ACAA1: variants seen among roughly 807,000 people sequenced by gnomAD.
The protein encoded by ACAA1 is acetyl-CoA acyltransferase 1.
In ACAA1, 44 loss-of-function variants were observed where a neutral mutation model predicts 48.8. That is an observed-to-expected ratio of 0.90 (90% CI 0.71 to 1.16). The LOEUF is 1.16. Among genes scored for constraint, ACAA1 ranks in the 50% most tolerant of loss-of-function variants. ACAA1 has a pLI of 0.00. For synonymous variants in ACAA1, 233 were observed against 226.5 expected (o/e 1.03, Z -0.26); for missense variants, 512 against 562.3 (o/e 0.91, Z 0.90).
At chr3:38,125,928 C>T in intron 9 of ACAA1, 47 bp from the exon 10 acceptor site, 4 of 1,610,650 alleles carry the variant, frequency 2.5e-6, no homozygotes, top group Non-Finnish European at 3.4e-6. Context: ...CCCTCTGCCT[C>T]CCCTGGGGCC....
In ACAA1 at chr3:38,125,834, C is replaced by A. The variant is rs752944703; in HGVS notation, c.1045G>T (p.Ala349Ser). The A allele has an allele frequency of 4.3e-6, 7 of 1,614,086 alleles. No individual in the cohort carries two copies. In the African/African-American group the frequency reaches 8.0e-5, roughly 18 times the overall value. The change falls in exon 10 of 12, where the codon GCA becomes TCA. Residue 349 changes from alanine (A) to serine (S), a missense_variant. Coordinates refer to ENST00000333167, the MANE Select transcript of ACAA1 (RefSeq NM_001607.4). ...VDIFEINEAFASQAAYCVEKL... is the reference protein window; with the variant it reads ...VDIFEINEAFSSQAAYCVEKL... Reference sequence around the variant, plus strand: ...GAGAAACAAGGGCTCACCTGGCTTGCAAAGGCCTCATTGATCTCGAAGATG... The same window carrying A: ...GAGAAACAAGGGCTCACCTGGCTTGAAAAGGCCTCATTGATCTCGAAGATG...
At position 38,125,807 on chromosome 3, in the gene ACAA1, T is replaced by C. The variant is rs1434233468; in HGVS notation, c.1053+19A>G. 4.3e-6 allele frequency: 7 copies of C among 1,614,140 alleles called. No individual in the cohort carries two copies. Among genetic ancestry groups the C allele is most frequent in the Admixed American group, 1.7e-5 (1 of 60,028 alleles). ...TCGGCTGTCCAGGGCAAAGGCAACATTGAGAAACAAGGGCTCACCTGGCTT... is the reference window on the plus strand; with the variant it reads ...TCGGCTGTCCAGGGCAAAGGCAACACTGAGAAACAAGGGCTCACCTGGCTT... On this transcript the variant is annotated intron_variant, in intron 10 of 11. Transcript: ENST00000333167.
chr3:38,127,896 A>G, intron 6 of ACAA1, 30 bp from the exon 7 acceptor site: 6 of 1,611,346 alleles, frequency 3.7e-6, no homozygotes, highest in Non-Finnish European at 5.1e-6. Flanking sequence ...TAGTGTGGGC[A>G]TTGGTCTGAC....
chr3:38,133,118 T>C (rs1700820081), intron 3 of ACAA1, among the ~76,000 whole-genome samples: 1 of 152,116 alleles, frequency 6.6e-6, no homozygotes, highest in Non-Finnish European at 1.5e-5. Context: ...CCTGGATAAC[T>C]CATGCCAAAA....
chr3:38,129,229 T>C lies in ACAA1; in HGVS notation c.545+61A>G, dbSNP rs1575261830. The C allele has an allele frequency of 6.7e-7, 1 of 1,492,560 alleles. No homozygotes were observed. The highest frequency in any genetic ancestry group is 2.3e-5 in the East Asian group (1 of 43,842). 92.5% of individuals were successfully genotyped at this position (1,492,560 alleles called of 1,614,324 possible). On this transcript the variant is annotated intron_variant, in intron 6 of 11. Coordinates refer to ENST00000333167, the MANE Select transcript of ACAA1 (RefSeq NM_001607.4). The surrounding 1 kb of genome is among the most constrained non-coding windows in gnomAD (Gnocchi z 5.3). The stretch of plus-strand genomic sequence containing the variant: ...CACCAGCCACAGAGATGATAAAAGT[T>C]CCTTGGCTCCCTGCCCCAGGCAGAG...
chr3:38,124,184 ACAAACTGTATTCATAAATAGGTTAAAAG>A (rs1209935281), intron 11 of ACAA1: 1 of 152,242 alleles, frequency 6.6e-6, no homozygotes, highest in Non-Finnish European at 1.5e-5. Context: ...TTATAAACAG[ACAAACTGTATTCATAAATAGGTTAAAAG>A]CAAACTGTAT....
chr3:38,125,370 AT>A lies in ACAA1; in HGVS notation c.1199+194del, dbSNP rs375497157. 424 of 506,554 alleles carry A rather than the reference AT, an allele frequency of 8.4e-4. 2 individuals carry two copies. The highest frequency in any genetic ancestry group is 7.5e-3 in the African/African-American group (379 of 50,718). 31.4% of individuals were successfully genotyped at this position (506,554 alleles called of 1,614,324 possible). On this transcript the variant is annotated intron_variant, in intron 11 of 11. Coordinates refer to ENST00000333167, the MANE Select transcript of ACAA1 (RefSeq NM_001607.4). ...TTTGATCTGTAACTGAACAATCAAG[AT>A]AACTCACTACCTCTGGACCAGCCAA...
intron 5 of ACAA1, among the ~76,000 whole-genome samples, chr3:38,130,702 G>A (rs1468967772): frequency 6.6e-6 from 1 of 152,254 alleles, no homozygotes; most frequent in Non-Finnish European, 1.5e-5. Context: ...AGATAGAAGA[G>A]CATGAGAGAA....
intron 3 of ACAA1, chr3:38,133,374 G>A (rs917796804): frequency 1.3e-5 from 2 of 152,376 alleles, no homozygotes; most frequent in African/African-American, 4.8e-5. Context: ...GTTCCTAGAG[G>A]GTTGTTTTCC....
chr3:38,132,948 C>T (rs910350805), intron 3 of ACAA1, among the ~76,000 whole-genome samples: 7 of 152,150 alleles, frequency 4.6e-5, no homozygotes, highest in Admixed American at 6.5e-5. Flanking sequence ...AGGGATGCTG[C>T]GATGCTTATA....
At chr3:38,128,344 T>C (rs1365761106) in intron 6 of ACAA1, among the ~76,000 whole-genome samples, 4 of 152,204 alleles carry the variant, frequency 2.6e-5, no homozygotes, top group Non-Finnish European at 5.9e-5. Flanking sequence ...CTAAGCTTCC[T>C]GGTCACCTTG....
At chr3:38,135,705 C>T (rs1297261881) in intron 2 of ACAA1, among the ~76,000 whole-genome samples, 2 of 152,118 alleles carry the variant, frequency 1.3e-5, no homozygotes, top group Admixed American at 6.5e-5. Context: ...TTGGGTTTTA[C>T]ACCCAAGACA....
chr3:38,125,553 G>A lies in ACAA1; in HGVS notation c.1199+12C>T, dbSNP rs759230045. 7.9e-6 allele frequency: 12 copies of A among 1,527,884 alleles called. No homozygotes were observed. The highest frequency in any genetic ancestry group is 8.8e-6 in the Non-Finnish European group (10 of 1,138,814). The allele number at this position is 1,527,884 out of a possible 1,614,324, so 94.6% of individuals were successfully genotyped here. A position where few individuals can be genotyped will look rare whatever the true frequency, so the allele number is the denominator to read the frequency against. The stretch of plus-strand genomic sequence containing the variant: ...TCCCCCTATGACCCCACCGCCAGGA[G>A]CAAAGCCTTACCTCTTCCCACGGCG... On this transcript the variant is annotated intron_variant, in intron 11 of 11. Transcript: ENST00000333167.
At chr3:38,132,689 C>T (rs1450362934) in intron 3 of ACAA1, 1 of 152,248 alleles carries the variant, frequency 6.6e-6, no homozygotes, top group African/African-American at 2.4e-5. Flanking sequence ...TTCCAGACCT[C>T]CTCAGACCCA....
Position 38,126,774 on chromosome 3 carries a change from T to C in ACAA1, c.627-74A>G. The C allele has an allele frequency of 6.4e-7, 1 of 1,571,116 alleles. No homozygotes were observed. The highest frequency in any genetic ancestry group is 8.7e-7 in the Non-Finnish European group (1 of 1,150,540). ...CCTCCCTGCCCCCAACCCCTATCCA[T>C]TTGGGTAGACACAAGCTCAGGCTGC... On this transcript the variant is annotated intron_variant, in intron 7 of 11. Coordinates refer to ENST00000333167, the MANE Select transcript of ACAA1 (RefSeq NM_001607.4). The surrounding 1 kb of genome is among the most constrained non-coding windows in gnomAD (Gnocchi z 4.7).
Position 38,129,750 on chromosome 3 carries a change from C to T in ACAA1, c.447-362G>A, listed in dbSNP as rs191099583. ...ACAAGCCAGGGCCTGCCCTCAGGGC[C>T]CACAAATTCAGAAGGGAGAAGAGAC... On this transcript the variant is annotated intron_variant, in intron 5 of 11. Coordinates refer to ENST00000333167, the MANE Select transcript of ACAA1 (RefSeq NM_001607.4). This position sits in a 1 kb window ranked among gnomAD's most constrained non-coding sequence, Gnocchi z 5.3. 1.4e-4 allele frequency among the ~76,000 whole-genome samples: 21 copies of T among 152,294 alleles called. 1 individual carries two copies. The East Asian group carries it at 4.1e-3, about 29-fold the overall frequency.
At chr3:38,131,099 C>T (rs999578672) in intron 5 of ACAA1, among the ~76,000 whole-genome samples, 59 of 152,358 alleles carry the variant, frequency 3.9e-4, no homozygotes, top group Middle Eastern at 3.4e-3. Flanking sequence ...CAAACCACCA[C>T]AGATCTAATT....
chr3:38,125,392 G>T, intron 11 of ACAA1, 173 bp downstream of exon 11: 2 of 726,060 alleles, frequency 2.8e-6, no homozygotes, highest in Non-Finnish European at 2.1e-6. Context: ...CTCTGGACCA[G>T]CCAAGACCTT....
chr3:38,126,103 T>G lies in ACAA1; in HGVS notation c.997+59A>C. The G allele has an allele frequency of 6.3e-7, 1 of 1,576,504 alleles. No individual in the cohort carries two copies. Among genetic ancestry groups the G allele is most frequent in the African/African-American group, 1.3e-5 (1 of 74,266 alleles). On this transcript the variant is annotated intron_variant, in intron 9 of 11. Coordinates refer to ENST00000333167, the MANE Select transcript of ACAA1 (RefSeq NM_001607.4). This position sits in a 1 kb window ranked among gnomAD's most constrained non-coding sequence, Gnocchi z 4.7. ...CACCCTCATGCCCCTGGCAACAGCATGCAGGGCAGCTGCAGGATCCAGGTG... is the reference window on the plus strand; with the variant it reads ...CACCCTCATGCCCCTGGCAACAGCAGGCAGGGCAGCTGCAGGATCCAGGTG...
Sources: gnomAD v4.1 joint callset for allele counts (sites outside exome capture counted in the v4.1 genomes callset) on GRCh38, gnomAD v4.1.1 for gene constraint, Gnocchi (gnomAD v3.1) non-coding constraint, MANE v1.5 for transcripts, NCBI Gene and HGNC (gene_info 2026-07-23, HGNC 2026-07-21) for gene names.